DENND1A: variants seen among roughly 807,000 people sequenced by gnomAD.
DENND1A encodes the protein DENN domain-containing protein 1A.
A neutral mutation model predicts 113.7 loss-of-function variants in DENND1A; 51 were observed. That is an observed-to-expected ratio of 0.45 (90% CI 0.36 to 0.57). The LOEUF is 0.57. Ranked by LOEUF, DENND1A falls within the 20% of genes least tolerant of loss-of-function variation. The pLI is 0.00. For synonymous variants in DENND1A, 565 were observed against 570.8 expected, an observed-to-expected ratio of 0.99 and a Z score of 0.14; for missense variants, 1,258 against 1,395.9, an observed-to-expected ratio of 0.90 and a Z score of 1.57.
chr9:123,806,886 ATCAAT>A (rs977560268), intron 2 of DENND1A, among the ~76,000 whole-genome samples: 14 of 152,228 alleles, frequency 9.2e-5, no homozygotes, highest in Non-Finnish European at 1.9e-4. Context: ...CAAAAGCATT[ATCAAT>A]GTCCTCACTC....
At chr9:123,413,444 G>C in intron 19 of DENND1A, 1 of 985,424 alleles carries the variant, frequency 1.0e-6, no homozygotes, top group Non-Finnish European at 1.2e-6. Context: ...TACTGAGTGG[G>C]AGTGACACTT....
intron 13 of DENND1A, among the ~76,000 whole-genome samples, chr9:123,531,554 TACACACACACACACACACAC>T (rs57819030): frequency 2.2e-4 from 23 of 103,190 alleles, no homozygotes; most frequent in South Asian, 6.8e-4. Flanking sequence ...CCTCTCTCTC[TACACACACACACACACACAC>T]ACACACACAC....
chr9:123,478,378 C>T (rs1047870882), intron 13 of DENND1A, among the ~76,000 whole-genome samples: 20 of 152,212 alleles, frequency 1.3e-4, no homozygotes, highest in Non-Finnish European at 2.6e-4. Context: ...TTTCCCTGCC[C>T]GAGGCTAGCC....
rs1366264464 is a variant in DENND1A, at chr9:123,656,453, T to G, written c.508-4330A>C. Among the ~76,000 whole-genome samples, 3 of 152,008 alleles carry G rather than the reference T, an allele frequency of 2.0e-5. No homozygotes were observed. In the East Asian group the frequency reaches 5.8e-4, roughly 29 times the overall value. On this transcript the variant is annotated intron_variant, in intron 8 of 23. Coordinates refer to ENST00000394215, the MANE Select transcript of DENND1A (RefSeq NM_001352964.2). ...TTAAAATATACATTAGAAAACCAAT[T>G]CAGACAAAAGCTTTGGGTGTAGATG...
chr9:123,608,163 G>A (rs2060256251), intron 11 of DENND1A, among the ~76,000 whole-genome samples: 1 of 152,164 alleles, frequency 6.6e-6, no homozygotes, highest in Non-Finnish European at 1.5e-5. Context: ...ACTGTTAACA[G>A]AATGTAGGAG....
chr9:123,523,438 G>T (rs560568029), intron 13 of DENND1A, among the ~76,000 whole-genome samples: 1 of 152,160 alleles, frequency 6.6e-6, no homozygotes, highest in African/African-American at 2.4e-5. Flanking sequence ...CAGATAATAC[G>T]TTACAGAGTT....
At chr9:123,642,111 G>C (rs922054520) in intron 9 of DENND1A, among the ~76,000 whole-genome samples, 1 of 152,182 alleles carries the variant, frequency 6.6e-6, no homozygotes, top group African/African-American at 2.4e-5. Flanking sequence ...TTGATACTCT[G>C]TATTACAGAG....
At chr9:123,768,886 C>T (rs948951037) in intron 4 of DENND1A, among the ~76,000 whole-genome samples, 8 of 148,928 alleles carry the variant, frequency 5.4e-5, no homozygotes, top group Non-Finnish European at 1.2e-4. Context: ...TTTTAATTGT[C>T]TTAGAGTTCT....
At chr9:123,720,369 G>C (rs1414664018) in intron 5 of DENND1A, among the ~76,000 whole-genome samples, 1 of 152,098 alleles carries the variant, frequency 6.6e-6, no homozygotes, top group African/African-American at 2.4e-5. Context: ...GTGCATGCTG[G>C]GGGGCAAAAG....
chr9:123,517,267 C>A (rs1314183524), intron 13 of DENND1A, among the ~76,000 whole-genome samples: 13 of 134,916 alleles, frequency 9.6e-5, no homozygotes, highest in Non-Finnish European at 1.5e-4. Context: ...AAAAAAAAAA[C>A]AAAAAACCCA....
At chr9:123,561,905 A>G (rs1033070130) in intron 12 of DENND1A, among the ~76,000 whole-genome samples, 7 of 151,930 alleles carry the variant, frequency 4.6e-5, no homozygotes, top group African/African-American at 1.7e-4. Flanking sequence ...CTCAACACCA[A>G]CCCAGATATG....
intron 2 of DENND1A, among the ~76,000 whole-genome samples, chr9:123,818,519 TACACACACACACACACAC>T (rs1215014185): frequency 2.1e-4 from 24 of 112,298 alleles, no homozygotes; most frequent in African/African-American, 9.2e-4. Flanking sequence ...TACATACATA[TACACACACACACACACAC>T]ACACACACAC....
chr9:123,559,991 G>T (rs1452083498), intron 12 of DENND1A, among the ~76,000 whole-genome samples: 3 of 125,560 alleles, frequency 2.4e-5, no homozygotes, highest in Non-Finnish European at 4.7e-5. Flanking sequence ...TATGAACAAG[G>T]TTCGTCCATG....
intron 23 of DENND1A, among the ~76,000 whole-genome samples, chr9:123,383,257 G>A (rs2042375812): frequency 6.6e-6 from 1 of 152,232 alleles, no homozygotes; most frequent in African/African-American, 2.4e-5. Flanking sequence ...ATTACACACT[G>A]ATTTGCATTC....
At chr9:123,461,085 A>T (rs2048488352) in intron 13 of DENND1A, among the ~76,000 whole-genome samples, 1 of 151,852 alleles carries the variant, frequency 6.6e-6, no homozygotes, top group Admixed American at 6.6e-5. Flanking sequence ...TCTTCCACAT[A>T]CCTCATGCTC....
chr9:123,680,371 G>A (rs780374347), intron 5 of DENND1A, among the ~76,000 whole-genome samples: 3 of 152,184 alleles, frequency 2.0e-5, no homozygotes, highest in East Asian at 1.9e-4. Context: ...CTGCCTTCCC[G>A]ATCCGGGGTC....
intron 11 of DENND1A, among the ~76,000 whole-genome samples, chr9:123,603,508 G>T (rs1000679641): frequency 6.6e-6 from 1 of 152,098 alleles, no homozygotes; most frequent in African/African-American, 2.4e-5. Flanking sequence ...GGCTTCTAGG[G>T]ACCCATGGCT....
At chr9:123,799,564 GA>G (rs1426030502) in intron 2 of DENND1A, among the ~76,000 whole-genome samples, 15 of 152,274 alleles carry the variant, frequency 9.9e-5, no homozygotes, top group Admixed American at 7.2e-4. Context: ...AGAAGTAGTA[GA>G]GCCAGGGGTA....
At chr9:123,385,226 G>A (rs760355939) in intron 22 of DENND1A, among the ~76,000 whole-genome samples, 1 of 152,112 alleles carries the variant, frequency 6.6e-6, no homozygotes, top group Non-Finnish European at 1.5e-5. Context: ...GTGCAATGGC[G>A]CAGTCTCGGC....
Sources: allele counts gnomAD v4.1 joint callset (sites outside exome capture counted in the v4.1 genomes callset), GRCh38; gene constraint gnomAD v4.1.1; transcripts MANE v1.5; gene names NCBI Gene and HGNC (gene_info 2026-07-23, HGNC 2026-07-21).